The following GABRG3 variants were observed in gnomAD, a reference collection of about 807,000 sequenced individuals.
GABRG3 encodes the protein gamma-aminobutyric acid receptor subunit gamma-3.
Under a neutral mutation model 48.8 loss-of-function variants are expected in GABRG3, and 25 were observed. The observed-to-expected ratio is 0.51, with a 90% confidence interval of 0.37 to 0.72. The LOEUF (loss-of-function observed/expected upper bound fraction) is 0.72. Among genes scored for constraint, GABRG3 ranks in the 30% least tolerant of loss-of-function variants. The pLI, the probability that GABRG3 is intolerant of heterozygous loss-of-function variation, is 0.00. For synonymous variants in GABRG3, 227 were observed against 217.6 expected, an observed-to-expected ratio of 1.04 and a Z score of -0.38; for missense variants, 394 against 577.9, an observed-to-expected ratio of 0.68 and a Z score of 3.26.
rs1314201771 is a variant in GABRG3, at chr15:27,492,203, C to G, written c.712+11416C>G. On this transcript the variant is annotated intron_variant, in intron 6 of 9. Transcript: ENST00000615808. ...AGCCAGCCCCCAATTCTAATGAGGACTTAGAGCCACAGACTTGGCTTAGAA... is the reference window on the plus strand; with the variant it reads ...AGCCAGCCCCCAATTCTAATGAGGAGTTAGAGCCACAGACTTGGCTTAGAA... 3.3e-5 allele frequency among the ~76,000 whole-genome samples: 5 copies of G among 152,156 alleles called. No homozygotes were observed. The East Asian group carries it at 9.7e-4, about 29-fold the overall frequency.
chr15:27,263,121 A>T (rs1354017698), intron 3 of GABRG3, among the ~76,000 whole-genome samples: 10 of 152,250 alleles, frequency 6.6e-5, no homozygotes. Flanking sequence ...CTAGTGCCGC[A>T]TCAGCAGTCA....
rs559082673 is a variant in GABRG3, at chr15:27,307,971, T to A, written c.271-18838T>A. Among the ~76,000 whole-genome samples, 132 of 136,150 alleles carry A rather than the reference T, an allele frequency of 9.7e-4. 2 individuals are homozygous for A. The highest frequency in any genetic ancestry group is 2.6e-3 in the Admixed American group (35 of 13,252). The allele number at this position is 136,150 out of a possible 152,430, so 89.3% of individuals were successfully genotyped here. ...TATGTAAAATAAACATGTTTATATA[T>A]AAACATATATAAAATAAACATATAC... On this transcript the variant is annotated intron_variant, in intron 3 of 9. Coordinates refer to ENST00000615808, the MANE Select transcript of GABRG3 (RefSeq NM_033223.5).
intron 3 of GABRG3, among the ~76,000 whole-genome samples, chr15:27,088,126 T>C (rs923575424): frequency 1.6e-4 from 25 of 151,730 alleles, no homozygotes; most frequent in African/African-American, 2.9e-4. Flanking sequence ...TGTGTGTGTG[T>C]GCACGCATGT....
chr15:27,308,166 ATATGTTTATATAT>A lies in GABRG3; in HGVS notation c.271-18642_271-18630del, dbSNP rs1892765266. On this transcript the variant is annotated intron_variant, in intron 3 of 9. Transcript: ENST00000615808. ...TATACATCCAAACATATATAAACATATATGTTTATATATCCAAACATATATAAACATGTTTATA... is the reference window on the plus strand; with the variant it reads ...TATACATCCAAACATATATAAACATACCAAACATATATAAACATGTTTATA... Among the ~76,000 whole-genome samples, 3 of 4,692 alleles carry A rather than the reference ATATGTTTATATAT, an allele frequency of 6.4e-4. 1 individual carries two copies. The highest frequency in any genetic ancestry group is 4.0e-3 in the Admixed American group (1 of 250). The allele number at this position is 4,692 out of a possible 152,430, so 3.1% of individuals were successfully genotyped here. A position where few individuals can be genotyped will look rare whatever the true frequency, so the allele number is the denominator to read the frequency against.
chr15:27,378,678 C>T (rs1895673583), intron 5 of GABRG3, among the ~76,000 whole-genome samples: 1 of 152,188 alleles, frequency 6.6e-6, no homozygotes. Flanking sequence ...GGCTTGAATA[C>T]TGATTTATTT....
intron 2 of GABRG3, among the ~76,000 whole-genome samples, chr15:27,007,537 T>C (rs1372782089): frequency 1.3e-5 from 2 of 152,198 alleles, no homozygotes; most frequent in Admixed American, 1.3e-4. Context: ...CCATCAGCAG[T>C]GGATAAGCGT....
At chr15:27,241,649 A>G (rs1890131080) in intron 3 of GABRG3, among the ~76,000 whole-genome samples, 1 of 152,184 alleles carries the variant, frequency 6.6e-6, no homozygotes, top group South Asian at 2.1e-4. Flanking sequence ...TTTCTCTTTC[A>G]TGCACTATTT....
At chr15:27,295,053 C>CAA (rs745397740) in intron 3 of GABRG3, 1 of 152,106 alleles carries the variant, frequency 6.6e-6, no homozygotes, top group Non-Finnish European at 1.5e-5. Context: ...TCAGTTCACC[C>CAA]AATCTTGAGA....
intron 2 of GABRG3, among the ~76,000 whole-genome samples, chr15:26,998,324 T>C (rs1485851539): frequency 6.6e-6 from 1 of 152,214 alleles, no homozygotes; most frequent in East Asian, 1.9e-4. Flanking sequence ...AATGATGCCA[T>C]CCTCCTTGTC....
intron 3 of GABRG3, among the ~76,000 whole-genome samples, chr15:27,199,106 G>C (rs1263457714): frequency 6.6e-6 from 1 of 152,042 alleles, no homozygotes; most frequent in African/African-American, 2.4e-5. Flanking sequence ...TAACAAACCT[G>C]CACGTTCTGC....
In GABRG3 at chr15:27,447,798, C is replaced by T. The variant is rs1025009368; in HGVS notation, c.575-32852C>T. The stretch of plus-strand genomic sequence containing the variant: ...TTCTCACTCATAAGTGGGAGTTGAA[C>T]AATGAGAACACATGGACACAGGGAG... On this transcript the variant is annotated intron_variant, in intron 5 of 9. Transcript: ENST00000615808. The surrounding 1 kb of genome is among the most constrained non-coding windows in gnomAD (Gnocchi z 4.0). 1.3e-5 allele frequency among the ~76,000 whole-genome samples: 2 copies of T among 152,042 alleles called. No homozygotes were observed. Among genetic ancestry groups the T allele is most frequent in the Non-Finnish European group, 2.9e-5 (2 of 68,010 alleles).
intron 3 of GABRG3, among the ~76,000 whole-genome samples, chr15:27,112,391 T>A (rs375187775): frequency 6.6e-6 from 1 of 152,128 alleles, no homozygotes; most frequent in Non-Finnish European, 1.5e-5. Context: ...CTTTAATTTC[T>A]TTTTTATTTT....
At chr15:27,028,836 A>T (rs1896030255) in intron 3 of GABRG3, among the ~76,000 whole-genome samples, 1 of 150,220 alleles carries the variant, frequency 6.7e-6, no homozygotes, top group African/African-American at 2.4e-5. Flanking sequence ...ATCCAGTAAG[A>T]TCGCTAGTCA....
chr15:27,247,274 C>G (rs1002856748), intron 3 of GABRG3, among the ~76,000 whole-genome samples: 2 of 152,050 alleles, frequency 1.3e-5, no homozygotes, highest in African/African-American at 4.8e-5. Context: ...AGAGACTCTT[C>G]TCCTTGTGAG....
chr15:27,530,139 AG>A (rs887378184), intron 9 of GABRG3, among the ~76,000 whole-genome samples: 4 of 152,204 alleles, frequency 2.6e-5, no homozygotes, highest in Non-Finnish European at 5.9e-5. Flanking sequence ...AATGAGGGAC[AG>A]GGGCCAGACT....
intron 3 of GABRG3, among the ~76,000 whole-genome samples, chr15:27,055,278 G>A (rs1229830769): frequency 6.6e-6 from 1 of 152,112 alleles, no homozygotes; most frequent in African/African-American, 2.4e-5. Context: ...ATCTTAAGAA[G>A]GATGGAAAGA....
chr15:27,218,309 T>A (rs1889334012), intron 3 of GABRG3, among the ~76,000 whole-genome samples: 1 of 152,210 alleles, frequency 6.6e-6, no homozygotes, highest in African/African-American at 2.4e-5. Flanking sequence ...TTGTCAACGT[T>A]CTGTCTTATT....
intron 5 of GABRG3, among the ~76,000 whole-genome samples, chr15:27,367,589 G>A (rs1292159951): frequency 2.6e-5 from 4 of 152,138 alleles, no homozygotes; most frequent in Non-Finnish European, 4.4e-5. Context: ...ACTATTTCAG[G>A]ATTGGGAAGG....
chr15:27,512,941 C>G (rs151062808), intron 6 of GABRG3, among the ~76,000 whole-genome samples: 94 of 152,274 alleles, frequency 6.2e-4, no homozygotes, highest in African/African-American at 2.1e-3. Context: ...ACGTAAAACA[C>G]TACAAATGCT....
Sources: allele counts gnomAD v4.1 joint callset (sites outside exome capture counted in the v4.1 genomes callset), GRCh38; gene constraint gnomAD v4.1.1; non-coding constraint Gnocchi (gnomAD v3.1); transcripts MANE v1.5; gene names NCBI Gene and HGNC (gene_info 2026-07-23, HGNC 2026-07-21).